The following TIAM2 variants were observed in gnomAD, a reference collection of about 807,000 sequenced individuals.
TIAM2 encodes TIAM Rac1 associated GEF 2.
Under a neutral mutation model 152.9 loss-of-function variants are expected in TIAM2, and 80 were observed. The observed-to-expected ratio is 0.52, with a 90% confidence interval of 0.44 to 0.63. TIAM2 has a LOEUF of 0.63. TIAM2 is among the 30% of genes least tolerant of loss of function. The pLI is 0.00. For missense variants in TIAM2, 1,965 were observed against 2,120.1 expected (o/e 0.93, Z 1.44); for synonymous variants, 804 against 838.0 (o/e 0.96, Z 0.70).
chr6:155,194,013 C>A (rs1781272914), intron 14 of TIAM2, among the ~76,000 whole-genome samples: 1 of 152,176 alleles, frequency 6.6e-6, no homozygotes, highest in Non-Finnish European at 1.5e-5. Context: ...AGTCTACAGA[C>A]CACACCTGGA....
chr6:155,210,385 T>A (rs1365651395), intron 14 of TIAM2, among the ~76,000 whole-genome samples: 5 of 151,942 alleles, frequency 3.3e-5, no homozygotes, highest in Non-Finnish European at 7.4e-5. Flanking sequence ...GTGGCACGAT[T>A]ACTGCTCACT....
intron 15 of TIAM2, among the ~76,000 whole-genome samples, chr6:155,212,810 G>A (rs965687731): frequency 6.6e-6 from 1 of 152,210 alleles, no homozygotes; most frequent in African/African-American, 2.4e-5. Context: ...GGTGAAGGGT[G>A]TGTCAGTGAG....
At chr6:155,106,785 A>G (rs1220872157) in intron 2 of TIAM2, among the ~76,000 whole-genome samples, 3 of 152,236 alleles carry the variant, frequency 2.0e-5, no homozygotes, top group Non-Finnish European at 2.9e-5. Flanking sequence ...TATGGAATGC[A>G]GGCCCAACAA....
At chr6:155,062,170 G>T (rs77312990) in intron 1 of TIAM2, among the ~76,000 whole-genome samples, 2,923 of 145,850 alleles carry the variant, frequency 0.02, 93 homozygotes, top group African/African-American at 0.069. Flanking sequence ...TCAGTAGACT[G>T]CTCTTTTTCA....
intron 1 of TIAM2, among the ~76,000 whole-genome samples, chr6:155,016,784 C>T (rs1350669228): frequency 5.6e-5 from 7 of 124,598 alleles, no homozygotes; most frequent in Non-Finnish European, 1.1e-4. Context: ...CCTGTAATCC[C>T]AGCTACTCGG....
chr6:155,078,602 A>G (rs908041602), intron 1 of TIAM2, among the ~76,000 whole-genome samples: 8 of 152,218 alleles, frequency 5.3e-5, no homozygotes, highest in African/African-American at 1.7e-4. Context: ...AGGCCAGGCC[A>G]GCCAGCAAGG....
intron 16 of TIAM2, 23 bp downstream of exon 16, chr6:155,240,732 T>C: frequency 6.3e-7 from 1 of 1,596,244 alleles, no homozygotes. Flanking sequence ...CTGGCATTTA[T>C]GCATTCGTGC....
intron 1 of TIAM2, among the ~76,000 whole-genome samples, chr6:155,041,082 G>T (rs1052110508): frequency 6.6e-6 from 1 of 152,012 alleles, no homozygotes; most frequent in Non-Finnish European, 1.5e-5. Flanking sequence ...TGTTCTAAGT[G>T]CCAGGGGCTC....
chr6:155,248,949 G>A (rs1222456178), intron 20 of TIAM2, among the ~76,000 whole-genome samples: 1 of 152,044 alleles, frequency 6.6e-6, no homozygotes, highest in African/African-American at 2.4e-5. Context: ...TTTTTTCCAT[G>A]ACAAGCATAC....
intron 9 of TIAM2, among the ~76,000 whole-genome samples, chr6:155,172,478 C>T (rs1271016119): frequency 6.6e-6 from 1 of 151,374 alleles, no homozygotes; most frequent in Non-Finnish European, 1.5e-5. Flanking sequence ...ACGAGGCTGG[C>T]GTTTTTAACC....
chr6:155,077,180 A>ATT (rs773101084), intron 1 of TIAM2, among the ~76,000 whole-genome samples: 12 of 144,866 alleles, frequency 8.3e-5, no homozygotes, highest in East Asian at 2.0e-4. Flanking sequence ...GTGATAAGTA[A>ATT]TTTTTTTTTT....
chr6:155,182,273 A>AT lies in TIAM2; in HGVS notation c.2756dup (p.Phe920IlefsTer21), dbSNP rs1554238240. On this transcript the variant is annotated frameshift_variant, in exon 13 of 27. Transcript: ENST00000682666. LOFTEE classifies it high-confidence loss of function. ...GGATGAGCGTCAGCATCTCAGCCGG[A>AT]TATTTATAAGCGACGTTCTTCCCGA... 6.2e-7 allele frequency: 1 copy of AT among 1,614,146 alleles called. No homozygotes were observed. Among genetic ancestry groups the AT allele is most frequent in the Non-Finnish European group, 8.5e-7 (1 of 1,180,010 alleles).
intron 1 of TIAM2, among the ~76,000 whole-genome samples, chr6:155,004,389 C>G (rs1308084956): frequency 6.6e-6 from 1 of 152,052 alleles, no homozygotes. Context: ...CCAATACCAT[C>G]TTTCTGTTTT....
intron 23 of TIAM2, among the ~76,000 whole-genome samples, chr6:155,252,268 T>C (rs1325918576): frequency 1.3e-5 from 2 of 152,234 alleles, no homozygotes; most frequent in East Asian, 1.9e-4. Flanking sequence ...GCCCAGGAAT[T>C]TGAGACCAGC....
chr6:155,085,005 T>C (rs761657255), intron 1 of TIAM2, among the ~76,000 whole-genome samples: 23 of 152,076 alleles, frequency 1.5e-4, no homozygotes, highest in Non-Finnish European at 2.9e-4. Flanking sequence ...AGTGATGAGA[T>C]AATAAGTAAT....
chr6:155,130,346 T>C lies in TIAM2; in HGVS notation c.1123T>C (p.Ser375Pro). The change falls in exon 4 of 27, where the codon TCC (serine) becomes CCC (proline). Residue 375 changes from serine (S) to proline (P), a missense_variant. By Grantham distance (74) the Ser-to-Pro change is moderately conservative. Transcript: ENST00000682666. ...TGTTGAGGATACTGCGAAGAAGGAC[T>C]CCCTCAAAGCCAGGATGCGACGGAT... Reference protein sequence around the residue: ...AFVEDTAKKDSLKARMRRISD... With the variant: ...AFVEDTAKKDPLKARMRRISD... The C allele has an allele frequency of 6.2e-7, 1 of 1,613,952 alleles. No homozygotes were observed. Among genetic ancestry groups the C allele is most frequent in the Non-Finnish European group, 8.5e-7 (1 of 1,180,000 alleles).
chr6:155,046,905 G>C (rs1184334904), intron 1 of TIAM2, among the ~76,000 whole-genome samples: 4 of 152,208 alleles, frequency 2.6e-5, no homozygotes, highest in Non-Finnish European at 5.9e-5. Context: ...TGTGAGATGA[G>C]AGATGCAGGT....
chr6:155,110,983 C>G (rs1778833974), intron 2 of TIAM2, among the ~76,000 whole-genome samples: 1 of 152,182 alleles, frequency 6.6e-6, no homozygotes. Flanking sequence ...TCTATAGTCG[C>G]AGAATTGCTA....
At position 155,015,040 on chromosome 6, in the gene TIAM2, C is replaced by T. The variant is rs530747427; in HGVS notation, c.-209+19548C>T. Among the ~76,000 whole-genome samples, 25 of 152,086 alleles carry T rather than the reference C, an allele frequency of 1.6e-4. No individual in the cohort carries two copies. The South Asian group carries it at 5.2e-3, about 32-fold the overall frequency. ...GGGAGGTGTTGGAGGGTTGGACTGG[C>T]AGAGTAGGGTGTGCATGCTGGAGCT... On this transcript the variant is annotated intron_variant, in intron 1 of 26. Transcript: ENST00000682666.
Sources: gnomAD v4.1 joint callset for allele counts (sites outside exome capture counted in the v4.1 genomes callset) on GRCh38, gnomAD v4.1.1 for gene constraint, MANE v1.5 for transcripts, NCBI Gene and HGNC (gene_info 2026-07-23, HGNC 2026-07-21) for gene names.